The following TPTE2 variants were observed in gnomAD, a reference collection of about 807,000 sequenced individuals.
TPTE2 encodes the protein transmembrane phosphoinositide 3-phosphatase and tensin homolog 2, also known as phosphatidylinositol 3,4,5-trisphosphate 3-phosphatase TPTE2.
A neutral mutation model predicts 78.6 loss-of-function variants in TPTE2; 53 were observed. The ratio of observed to expected loss-of-function variants is 0.67; its 90% confidence interval spans 0.54 to 0.85. TPTE2 has a LOEUF of 0.85. Among genes scored for constraint, TPTE2 ranks in the 40% least tolerant of loss-of-function variants. The pLI is 0.00. For missense variants in TPTE2, 461 were observed against 623.0 expected (o/e 0.74, Z 2.77); for synonymous variants, 175 against 206.2 (o/e 0.85, Z 1.30).
chr13:19,556,702 AT>A, the TPTE2 span, among the ~76,000 whole-genome samples: 1 of 151,846 alleles, frequency 6.6e-6, no homozygotes, highest in East Asian at 1.9e-4. Flanking sequence ...ATTTTTTTCT[AT>A]TTTTTAGAGA....
At chr13:19,450,366 T>C in intron 11 of TPTE2, 22 bp from the exon 15 acceptor site, 1 of 1,588,836 alleles carries the variant, frequency 6.3e-7, no homozygotes, top group Non-Finnish European at 8.6e-7. Flanking sequence ...AATATGTATG[T>C]CATATCTCTA....
intron 3 of TPTE2, among the ~76,000 whole-genome samples, chr13:19,488,244 T>C (rs1020382911): frequency 6.6e-6 from 1 of 152,226 alleles, no homozygotes; most frequent in African/African-American, 2.4e-5. Context: ...TGATTTAGCA[T>C]AATTCGTAAG....
chr13:19,503,538 C>T (rs993442019), upstream of TPTE2, among the ~76,000 whole-genome samples: 1 of 151,670 alleles, frequency 6.6e-6, no homozygotes, highest in Non-Finnish European at 1.5e-5. Flanking sequence ...AGTCCCAATG[C>T]GTGACAGCCT....
chr13:19,483,885 C>A (rs1164907853), intron 3 of TPTE2, among the ~76,000 whole-genome samples: 1 of 151,834 alleles, frequency 6.6e-6, no homozygotes, highest in South Asian at 2.1e-4. Context: ...CCCATTAACT[C>A]GTCATTTACA....
At chr13:19,451,759 C>T in intron 10 of TPTE2, among the ~76,000 whole-genome samples, 1 of 151,086 alleles carries the variant, frequency 6.6e-6, no homozygotes, top group Middle Eastern at 3.4e-3. Flanking sequence ...ACTTTTTTGG[C>T]TCATTTGTTC....
At chr13:19,558,287 C>T in the TPTE2 span, among the ~76,000 whole-genome samples, 3 of 152,174 alleles carry the variant, frequency 2.0e-5, no homozygotes, top group African/African-American at 7.2e-5. Context: ...CTAATGCCCC[C>T]AGAATGTACA....
At chr13:19,555,621 T>C in the TPTE2 span, among the ~76,000 whole-genome samples, 21 of 152,138 alleles carry the variant, frequency 1.4e-4, no homozygotes, top group Non-Finnish European at 5.9e-5. Context: ...TACTAGAGTA[T>C]AATCATTTGA....
At chr13:19,509,030 CA>C (rs1245780537) in intron 1 of TPTE2, among the ~76,000 whole-genome samples, 3 of 152,062 alleles carry the variant, frequency 2.0e-5, no homozygotes, top group Non-Finnish European at 2.9e-5. Context: ...CTAAATTATA[CA>C]TTACTGAATA....
chr13:19,449,849 C>A (rs929483314), intron 13 of TPTE2, among the ~76,000 whole-genome samples: 1 of 152,158 alleles, frequency 6.6e-6, no homozygotes, highest in Non-Finnish European at 1.5e-5. Flanking sequence ...CTCAACCTTC[C>A]TTAGTTCTTT....
At chr13:19,465,232 A>T in intron 9 of TPTE2, 23 bp downstream of exon 12, 2 of 1,613,718 alleles carry the variant, frequency 1.2e-6, no homozygotes, top group Non-Finnish European at 1.7e-6. Context: ...ATACAAGTAA[A>T]TCAACCATTA....
chr13:19,429,714 G>C (rs1360238403), intron 17 of TPTE2, among the ~76,000 whole-genome samples: 1 of 152,148 alleles, frequency 6.6e-6, no homozygotes, highest in African/African-American at 2.4e-5. Flanking sequence ...GGGTGGCAGG[G>C]AACAGGGTTA....
Position 19,427,079 on chromosome 13 carries a change from C to CTTTTTTTT in TPTE2, c.1303-570_1303-563dup, listed in dbSNP as rs55904352. Among the ~76,000 whole-genome samples, 81 of 67,296 alleles carry CTTTTTTTT rather than the reference C, an allele frequency of 1.2e-3. 1 individual carries two copies. The highest frequency in any genetic ancestry group is 2.2e-3 in the East Asian group (5 of 2,314). The allele number at this position is 67,296 out of a possible 152,430, so 44.1% of individuals were successfully genotyped here. On this transcript the variant is annotated intron_variant, in intron 17 of 19. Transcript: ENST00000400230. Reference sequence around the variant, plus strand: ...CTTTTCTTTTTTTTTCTTTTCTTTTCTTTTTTTTTTTTTTTTTTTTTTTGA... The same window carrying CTTTTTTTT: ...CTTTTCTTTTTTTTTCTTTTCTTTTCTTTTTTTTTTTTTTTTTTTTTTTTTTTTTTTGA...
At chr13:19,441,145 C>T (rs1877468664) in intron 13 of TPTE2, among the ~76,000 whole-genome samples, 1 of 151,516 alleles carries the variant, frequency 6.6e-6, no homozygotes, top group Non-Finnish European at 1.5e-5. Flanking sequence ...AAGTCATTAT[C>T]CTGAGCAAAT....
intron 3 of TPTE2, among the ~76,000 whole-genome samples, chr13:19,482,985 AC>A (rs1880450237): frequency 6.6e-6 from 1 of 152,206 alleles, no homozygotes; most frequent in South Asian, 2.1e-4. Context: ...AGTTATGTTT[AC>A]CCTACACTGT....
the TPTE2 span, chr13:19,561,194 A>C: frequency 1.3e-6 from 2 of 1,531,512 alleles, no homozygotes; most frequent in Admixed American, 1.7e-5. Flanking sequence ...AGCCCTTTGG[A>C]CTGTCAGGCC....
At chr13:19,438,404 T>C (rs2137498210) in intron 13 of TPTE2, 1 of 985,156 alleles carries the variant, frequency 1.0e-6, no homozygotes, top group East Asian at 1.1e-4. Flanking sequence ...CACGATGAGG[T>C]TTTTACTAAA....
At chr13:19,561,365 A>T in the TPTE2 span, 43 of 501,488 alleles carry the variant, frequency 8.6e-5, no homozygotes, top group Middle Eastern at 1.0e-3. Flanking sequence ...GGTCCACTCT[A>T]ATATTCCCGC....
intron 1 of TPTE2, among the ~76,000 whole-genome samples, chr13:19,494,514 T>C (rs1237333537): frequency 6.6e-6 from 1 of 152,190 alleles, no homozygotes; most frequent in East Asian, 1.9e-4. Context: ...GTTCAATCGA[T>C]TCTCCTGCCT....
At chr13:19,490,967 G>C (rs1320445903) in intron 3 of TPTE2, among the ~76,000 whole-genome samples, 1 of 152,104 alleles carries the variant, frequency 6.6e-6, no homozygotes, top group Non-Finnish European at 1.5e-5. Flanking sequence ...CAATGGAATA[G>C]GAATAAGAAG....
Sources: allele counts gnomAD v4.1 joint callset (sites outside exome capture counted in the v4.1 genomes callset), GRCh38; gene constraint gnomAD v4.1.1; transcripts MANE v1.5; gene names NCBI Gene and HGNC (gene_info 2026-07-23, HGNC 2026-07-21).